Variants in DNAH9 observed in about 807,000 individuals in gnomAD.
DNAH9 encodes the protein dynein axonemal heavy chain 9, also known as DNAH9 variant protein.
DNAH9 carries 345 observed loss-of-function variants against 471.6 expected under a neutral mutation model. That is an observed-to-expected ratio of 0.73 (90% CI 0.67 to 0.80). The LOEUF (loss-of-function observed/expected upper bound fraction) is 0.80, where lower values mean the gene tolerates loss of function less well. DNAH9 is among the 30% of genes least tolerant of loss of function. The pLI, the probability that DNAH9 is intolerant of heterozygous loss-of-function variation, is 0.00. For missense variants in DNAH9, 5,407 were observed against 5,609.2 expected (o/e 0.96, Z 1.15); for synonymous variants, 2,093 against 2,123.6 (o/e 0.99, Z 0.40).
intron 49 of DNAH9, among the ~76,000 whole-genome samples, chr17:11,846,151 C>G (rs1197561962): frequency 1.4e-5 from 2 of 138,434 alleles, no homozygotes; most frequent in Non-Finnish European, 3.1e-5. Flanking sequence ...ACGTTTAAGT[C>G]TTTAATCCAT....
rs1976309392 is a variant in DNAH9, at chr17:11,962,577, A to C, written c.13233+321A>C. ...TTCCAGACCTCACCTGTTAGATGGG[A>C]GAAGAGCGTCATTGTAAAAGTTAAA... On this transcript the variant is annotated intron_variant, in intron 68 of 68. Coordinates refer to ENST00000262442, the MANE Select transcript of DNAH9 (RefSeq NM_001372.4). The surrounding 1 kb of genome is among the most constrained non-coding windows in gnomAD (Gnocchi z 4.1). 6.6e-6 allele frequency among the ~76,000 whole-genome samples: 1 copy of C among 152,192 alleles called. No homozygotes were observed. The highest frequency in any genetic ancestry group is 2.1e-4 in the South Asian group (1 of 4,830).
At chr17:11,718,750 G>A (rs2075007064) in intron 26 of DNAH9, among the ~76,000 whole-genome samples, 2 of 152,174 alleles carry the variant, frequency 1.3e-5, no homozygotes, top group Admixed American at 6.5e-5. Flanking sequence ...TGAACCCTAT[G>A]AAGATATATA....
At chr17:11,762,770 GTTTTTTTTTTT>G in intron 35 of DNAH9, among the ~76,000 whole-genome samples, 1 of 90,794 alleles carries the variant, frequency 1.1e-5, no homozygotes, top group South Asian at 4.1e-4. Context: ...TTTTTTTTTT[GTTTTTTTTTTT>G]TTTTTTTTTT....
At chr17:11,762,770 G>GTTTGTTTGTTTTTT (rs1193246497) in intron 35 of DNAH9, among the ~76,000 whole-genome samples, 15 of 90,744 alleles carry the variant, frequency 1.7e-4, no homozygotes, top group East Asian at 3.3e-4. Context: ...TTTTTTTTTT[G>GTTTGTTTGTTTTTT]TTTTTTTTTT....
chr17:11,799,184 A>G (rs576825389), intron 43 of DNAH9, among the ~76,000 whole-genome samples: 1 of 151,866 alleles, frequency 6.6e-6, no homozygotes, highest in South Asian at 2.1e-4. Flanking sequence ...CCCACCTTCA[A>G]AATCCCAACT....
chr17:11,727,789 T>A (rs1423984962), intron 27 of DNAH9, 29 bp from the exon 28 acceptor site: 6 of 1,496,620 alleles, frequency 4.0e-6, no homozygotes, highest in Non-Finnish European at 5.6e-6. Flanking sequence ...GGCCCGTTGG[T>A]AATTTAATCT....
chr17:11,934,395 C>G (rs946157210), intron 65 of DNAH9, among the ~76,000 whole-genome samples: 2 of 144,090 alleles, frequency 1.4e-5, no homozygotes, highest in African/African-American at 5.1e-5. Flanking sequence ...ACATCTGGGA[C>G]AGTTATTTGG....
chr17:11,905,713 G>C lies in DNAH9; in HGVS notation c.11653G>C (p.Asp3885His). ...CAAATACGTGGTGGGAAGAGCCCTA[G>C]ATTTTGCAACCTCATTTGAAGAATC... ...GSKYVVGRAL[D>H]FATSFEESGP... Residue 3885 changes from aspartate (D) to histidine (H), a missense_variant, in exon 61 of 69, where the codon GAT becomes CAT. Around this residue, in one of 3 missense-constraint regions of DNAH9, gnomAD observed 4,636 missense variants for 4,900.3 expected, o/e 0.95. Coordinates refer to ENST00000262442, the MANE Select transcript of DNAH9 (RefSeq NM_001372.4). 6.2e-7 allele frequency: 1 copy of C among 1,614,108 alleles called. No individual in the cohort carries two copies. The highest frequency in any genetic ancestry group is 8.5e-7 in the Non-Finnish European group (1 of 1,180,002).
chr17:11,613,580 A>G (rs2057028071), intron 4 of DNAH9, among the ~76,000 whole-genome samples: 1 of 152,206 alleles, frequency 6.6e-6, no homozygotes, highest in Admixed American at 6.5e-5. Flanking sequence ...ACTCCAGCCT[A>G]GTGACAGACC....
chr17:11,883,188 G>A, intron 55 of DNAH9: 1 of 993,668 alleles, frequency 1.0e-6, no homozygotes, highest in Admixed American at 5.5e-5. Context: ...CCATAGGAGA[G>A]TTGTTCATTA....
In DNAH9 at chr17:11,742,148, C is replaced by T. The variant is rs770911847; in HGVS notation, c.5973-27C>T. The T allele has an allele frequency of 3.1e-6, 5 of 1,612,258 alleles. No homozygotes were observed. The South Asian group carries it at 5.5e-5, about 18-fold the overall frequency. ...TTCAACACTGTACTTGGGAAACTGA[C>T]TGGGCCTTCTGTCTTTCTATACTCA... On this transcript the variant is annotated intron_variant, in intron 29 of 68. Coordinates refer to ENST00000262442, the MANE Select transcript of DNAH9 (RefSeq NM_001372.4).
At chr17:11,968,215 T>G (rs1976904097) in intron 68 of DNAH9, among the ~76,000 whole-genome samples, 1 of 152,060 alleles carries the variant, frequency 6.6e-6, no homozygotes. Context: ...AAAAAAGAGG[T>G]TCTACCTCTG....
intron 4 of DNAH9, chr17:11,612,739 C>G (rs190945770): frequency 2.6e-5 from 4 of 152,322 alleles, no homozygotes; most frequent in African/African-American, 9.6e-5. Context: ...GTAAAATCTC[C>G]TCTTTGCTCT....
chr17:11,717,552 C>T (rs1044997399), intron 26 of DNAH9, among the ~76,000 whole-genome samples: 2 of 152,016 alleles, frequency 1.3e-5, no homozygotes, highest in East Asian at 1.9e-4. Flanking sequence ...CACATGGCCC[C>T]GCCTGGAAGT....
chr17:11,741,165 G>T (rs936753974), intron 29 of DNAH9, among the ~76,000 whole-genome samples: 2 of 152,018 alleles, frequency 1.3e-5, no homozygotes, highest in Admixed American at 6.6e-5. Flanking sequence ...AAATGTGCTC[G>T]AATGAAATGT....
chr17:11,900,168 GGCCA>G (rs1973360053), intron 59 of DNAH9, among the ~76,000 whole-genome samples: 1 of 151,356 alleles, frequency 6.6e-6, no homozygotes, highest in South Asian at 2.1e-4. Flanking sequence ...GTGGTGCTGG[GGCCA>G]GAACTCCAGT....
intron 10 of DNAH9, among the ~76,000 whole-genome samples, chr17:11,643,613 T>C (rs2073320877): frequency 6.6e-6 from 1 of 152,244 alleles, no homozygotes; most frequent in Non-Finnish European, 1.5e-5. Context: ...GTCTGTGGTC[T>C]AGAGTATTGT....
chr17:11,832,400 A>G (rs555359001), intron 48 of DNAH9, among the ~76,000 whole-genome samples: 36 of 152,342 alleles, frequency 2.4e-4, no homozygotes, highest in African/African-American at 7.5e-4. Context: ...ACAAAAAGTT[A>G]CTGGTGTGTT....
chr17:11,801,849 A>T (rs1223357410), intron 43 of DNAH9, among the ~76,000 whole-genome samples: 4 of 152,170 alleles, frequency 2.6e-5, no homozygotes, highest in Admixed American at 1.3e-4. Flanking sequence ...GATTCCATCA[A>T]TGTGGCTTCC....
Sources: allele counts gnomAD v4.1 joint callset (sites outside exome capture counted in the v4.1 genomes callset), GRCh38; gene constraint gnomAD v4.1.1; regional missense constraint gnomAD v4.1.1; non-coding constraint Gnocchi (gnomAD v3.1); transcripts MANE v1.5; gene names NCBI Gene and HGNC (gene_info 2026-07-23, HGNC 2026-07-21).